Variants in PATJ observed in about 807,000 individuals in gnomAD.
The protein encoded by PATJ is inaD-like protein.
In PATJ, 190 loss-of-function variants were observed where a neutral mutation model predicts 224.9. The observed-to-expected ratio is 0.84, with a 90% CI of 0.75 to 0.95. The LOEUF (loss-of-function observed/expected upper bound fraction) is 0.95, where lower values mean the gene tolerates loss of function less well. Ranked by LOEUF, PATJ falls within the 40% of genes least tolerant of loss-of-function variation. The pLI is 0.00. For missense variants in PATJ, 2,121 were observed against 2,270.3 expected (o/e 0.93, Z 1.34); for synonymous variants, 769 against 820.3 (o/e 0.94, Z 1.07).
At chr1:61,908,941 T>C (rs554232332) in intron 25 of PATJ, among the ~76,000 whole-genome samples, 22 of 152,312 alleles carry the variant, frequency 1.4e-4, no homozygotes, top group African/African-American at 5.1e-4. Flanking sequence ...TGTTGGAGAT[T>C]CCAAATGTAA....
At chr1:61,992,114 A>ACTCTTTTTTTTTTT (rs1370780986) in intron 28 of PATJ, among the ~76,000 whole-genome samples, 2 of 131,834 alleles carry the variant, frequency 1.5e-5, no homozygotes, top group African/African-American at 3.0e-5. Context: ...TCCCTGTGGG[A>ACTCTTTTTTTTTTT]TTCTTTTTTT....
rs1381707930 is a variant in PATJ, at chr1:61,984,162, TTA to T, written c.3671-6004_3671-6003del. 8.5e-3 allele frequency among the ~76,000 whole-genome samples: 1,002 copies of T among 118,494 alleles called. 5 individuals carry two copies. Among genetic ancestry groups the T allele is most frequent in the East Asian group, 0.037 (108 of 2,922 alleles). 77.7% of individuals were successfully genotyped at this position (118,494 alleles called of 152,430 possible). On this transcript the variant is annotated intron_variant, in intron 27 of 43. Coordinates refer to ENST00000642238, the MANE Select transcript of PATJ (RefSeq NM_001350145.3). ...GAAATACGCTCAATTATTATTATTATTATTTTTTTTTTTTTTGAGGCAGAGTG... is the reference window on the plus strand; with the variant it reads ...GAAATACGCTCAATTATTATTATTATTTTTTTTTTTTTTTGAGGCAGAGTG...
chr1:61,876,372 C>T, intron 21 of PATJ, among the ~76,000 whole-genome samples: 1 of 152,112 alleles, frequency 6.6e-6, no homozygotes, highest in East Asian at 1.9e-4. Flanking sequence ...ATAAAACTCT[C>T]CAGGTATATT....
chr1:61,833,621 G>A (rs762391497), intron 16 of PATJ, 33 bp from the exon 17 acceptor site: 2 of 1,590,868 alleles, frequency 1.3e-6, no homozygotes, highest in African/African-American at 1.4e-5. Context: ...AAAGCATAGT[G>A]TTTTGAAGCA....
intron 17 of PATJ, among the ~76,000 whole-genome samples, chr1:61,846,795 C>T (rs1197270329): frequency 2.6e-5 from 4 of 152,138 alleles, no homozygotes; most frequent in South Asian, 2.1e-4. Flanking sequence ...GACGGGTTTT[C>T]GCCATGTTGG....
intron 28 of PATJ, among the ~76,000 whole-genome samples, chr1:62,003,343 C>G (rs1645904360): frequency 6.6e-6 from 1 of 152,198 alleles, no homozygotes. Flanking sequence ...AAAAGGATAT[C>G]TTACTCTTTT....
intron 27 of PATJ, among the ~76,000 whole-genome samples, chr1:61,972,259 C>T (rs200373554): frequency 2.0e-5 from 3 of 151,890 alleles, no homozygotes; most frequent in Non-Finnish European, 2.9e-5. Context: ...GACTGTGACC[C>T]GTCACGTGAG....
chr1:61,954,977 T>G (rs1174360550), intron 27 of PATJ, among the ~76,000 whole-genome samples: 1 of 152,132 alleles, frequency 6.6e-6, no homozygotes, highest in African/African-American at 2.4e-5. Context: ...ATGGTCTCAA[T>G]CTTCTGACCT....
At chr1:62,125,792 CAG>C (rs1317617218) in intron 39 of PATJ, among the ~76,000 whole-genome samples, 5 of 152,048 alleles carry the variant, frequency 3.3e-5, no homozygotes, top group Admixed American at 6.6e-5. Context: ...TTTCCTGAGA[CAG>C]AGTCTCACTC....
intron 27 of PATJ, among the ~76,000 whole-genome samples, chr1:61,941,185 G>C (rs1320786879): frequency 6.6e-6 from 1 of 152,172 alleles, no homozygotes; most frequent in African/African-American, 2.4e-5. Flanking sequence ...TAATGGTTCA[G>C]ATGGAATCTA....
rs1047636708 is a variant in PATJ, at chr1:61,857,202, C to T, written c.2322+963C>T. Among the ~76,000 whole-genome samples, 4 of 152,110 alleles carry T rather than the reference C, an allele frequency of 2.6e-5. 1 individual carries two copies. The highest frequency in any genetic ancestry group is 1.3e-4 in the Admixed American group (2 of 15,272). On this transcript the variant is annotated intron_variant, in intron 18 of 43. Transcript: ENST00000642238. ...GCAAAAAACAAACCACCACCACCAC[C>T]AACAACAAAAACTTAATGATGATGA...
chr1:62,128,302 T>C, intron 40 of PATJ: 1 of 512,792 alleles, frequency 2.0e-6, no homozygotes, highest in Non-Finnish European at 3.4e-6. Context: ...TCAAAGCTTC[T>C]CCATAAAAGA....
intron 27 of PATJ, among the ~76,000 whole-genome samples, chr1:61,949,859 A>T (rs903660038): frequency 1.3e-5 from 2 of 152,172 alleles, no homozygotes; most frequent in Admixed American, 6.5e-5. Context: ...CCAAGATCAC[A>T]CCACTGCCCT....
At chr1:62,143,554 G>T (rs1667719962) in intron 41 of PATJ, among the ~76,000 whole-genome samples, 1 of 144,090 alleles carries the variant, frequency 6.9e-6, no homozygotes, top group Admixed American at 7.5e-5. Context: ...GGGTTCAAGC[G>T]ATTCTCCTGC....
intron 33 of PATJ, among the ~76,000 whole-genome samples, chr1:62,102,602 C>T (rs761783550): frequency 2.6e-5 from 4 of 151,582 alleles, no homozygotes; most frequent in Non-Finnish European, 4.4e-5. Context: ...CCTGTAATCT[C>T]AACACTTTGG....
chr1:62,066,937 G>A (rs1016633342), intron 31 of PATJ, among the ~76,000 whole-genome samples: 5 of 151,986 alleles, frequency 3.3e-5, no homozygotes, highest in African/African-American at 9.7e-5. Flanking sequence ...ACAAGTCCAC[G>A]TGGGGTCAGT....
intron 29 of PATJ, among the ~76,000 whole-genome samples, chr1:62,035,941 A>AGAAGAGAG (rs749864919): frequency 2.6e-5 from 4 of 152,108 alleles, no homozygotes; most frequent in African/African-American, 4.8e-5. Flanking sequence ...CAAGCAGAGC[A>AGAAGAGAG]GAAGAGAGTG....
intron 12 of PATJ, among the ~76,000 whole-genome samples, chr1:61,804,945 T>C (rs1419132244): frequency 1.3e-5 from 2 of 152,160 alleles, no homozygotes; most frequent in Non-Finnish European, 2.9e-5. Context: ...TAGCTACCCA[T>C]GTGAAAAGTC....
chr1:61,899,243 C>T (rs1670790993), intron 22 of PATJ, among the ~76,000 whole-genome samples: 1 of 151,958 alleles, frequency 6.6e-6, no homozygotes, highest in South Asian at 2.1e-4. Context: ...CAAACAATAC[C>T]AAGTTTTAAG....
Sources: allele counts gnomAD v4.1 joint callset (sites outside exome capture counted in the v4.1 genomes callset), GRCh38; gene constraint gnomAD v4.1.1; transcripts MANE v1.5; gene names NCBI Gene and HGNC (gene_info 2026-07-23, HGNC 2026-07-21).